PPP2R5D: variants seen among roughly 807,000 people sequenced by gnomAD.
PPP2R5D encodes the protein serine/threonine-protein phosphatase 2A 56 kDa regulatory subunit delta isoform.
PPP2R5D carries 12 observed loss-of-function variants against 79.1 expected under a neutral mutation model. The ratio of observed to expected loss-of-function variants is 0.15; its 90% CI spans 0.10 to 0.25. The LOEUF is 0.25. Ranked by LOEUF, PPP2R5D falls within the 10% of genes least tolerant of loss-of-function variation. The pLI is 1.00. For missense variants in PPP2R5D, 419 were observed against 760.2 expected, an observed-to-expected ratio of 0.55 and a Z score of 5.28; for synonymous variants, 277 against 286.6, an observed-to-expected ratio of 0.97 and a Z score of 0.34.
At chr6:42,998,526 C>T (rs1446176939) in intron 2 of PPP2R5D, among the ~76,000 whole-genome samples, 1 of 152,040 alleles carries the variant, frequency 6.6e-6, no homozygotes, top group Admixed American at 6.6e-5. Context: ...AGGAAGGCTT[C>T]TTGGAGTATG....
chr6:43,006,771 A>T lies in PPP2R5D; in HGVS notation c.322+92A>T. The T allele has an allele frequency of 6.3e-7, 1 of 1,575,138 alleles. No individual in the cohort carries two copies. The highest frequency in any genetic ancestry group is 8.6e-7 in the Non-Finnish European group (1 of 1,157,102). On this transcript the variant is annotated intron_variant, in intron 3 of 15. Coordinates refer to ENST00000485511, the MANE Select transcript of PPP2R5D (RefSeq NM_006245.4). The surrounding 1 kb of genome is among the most constrained non-coding windows in gnomAD (Gnocchi z 4.7). ...GAAGTTTTGGGGTATTTTGCGGGGA[A>T]GGGAGTTCCAGAGAATGCGGGAAGG...
At chr6:42,987,331 C>T (rs758243083) in intron 1 of PPP2R5D, among the ~76,000 whole-genome samples, 2 of 152,176 alleles carry the variant, frequency 1.3e-5, no homozygotes, top group Non-Finnish European at 2.9e-5. Flanking sequence ...TCGCATCTCT[C>T]CTCTTCCTTC....
intron 2 of PPP2R5D, among the ~76,000 whole-genome samples, chr6:43,001,607 G>A (rs1215352794): frequency 2.6e-5 from 4 of 151,880 alleles, no homozygotes; most frequent in Non-Finnish European, 5.9e-5. Flanking sequence ...CTTTAGGGCT[G>A]GGCACGGTGG....
In PPP2R5D at chr6:43,006,753, TG is replaced by T; in HGVS notation, c.322+78del. On this transcript the variant is annotated intron_variant, in intron 3 of 15. Coordinates refer to ENST00000485511, the MANE Select transcript of PPP2R5D (RefSeq NM_006245.4). This position sits in a 1 kb window ranked among gnomAD's most constrained non-coding sequence, Gnocchi z 4.7. ...TCGGGAGTTGGTGGAATGGAAGTTT[TG>T]GGGTATTTTGCGGGGAAGGGAGTTC... 6.3e-7 allele frequency: 1 copy of T among 1,583,572 alleles called. No homozygotes were observed. Among genetic ancestry groups the T allele is most frequent in the Non-Finnish European group, 8.6e-7 (1 of 1,162,674 alleles).
intron 1 of PPP2R5D, among the ~76,000 whole-genome samples, chr6:42,986,694 G>T (rs1561836878): frequency 6.6e-6 from 1 of 152,014 alleles, no homozygotes; most frequent in Non-Finnish European, 1.5e-5. Flanking sequence ...GGAATTCGGG[G>T]AAAGCTGGTG....
At chr6:43,004,575 T>C (rs1761959017) in intron 2 of PPP2R5D, among the ~76,000 whole-genome samples, 2 of 150,192 alleles carry the variant, frequency 1.3e-5, no homozygotes, top group Admixed American at 1.3e-4. Context: ...CCTACTTTTT[T>C]TTTTTTTTTT....
chr6:42,992,536 C>T (rs937793444), intron 2 of PPP2R5D, among the ~76,000 whole-genome samples: 6 of 152,104 alleles, frequency 3.9e-5, no homozygotes, highest in African/African-American at 1.4e-4. Flanking sequence ...CAAATAAGCC[C>T]GGCATGCTGG....
At chr6:43,000,204 G>T (rs918348385) in intron 2 of PPP2R5D, among the ~76,000 whole-genome samples, 13 of 147,834 alleles carry the variant, frequency 8.8e-5, no homozygotes, top group Non-Finnish European at 1.8e-4. Flanking sequence ...AAAGTGCTGG[G>T]ATTACAGGCG....
chr6:42,995,126 C>CTTTCTTTTTTTTTTT (rs1437034798), intron 2 of PPP2R5D, among the ~76,000 whole-genome samples: 8 of 106,364 alleles, frequency 7.5e-5, no homozygotes, highest in African/African-American at 3.3e-4. Flanking sequence ...CTTTTTCTTT[C>CTTTCTTTTTTTTTTT]TTTTTTTTTT....
chr6:43,004,085 T>C (rs2150273957), intron 2 of PPP2R5D, among the ~76,000 whole-genome samples: 1 of 151,774 alleles, frequency 6.6e-6, no homozygotes. Flanking sequence ...TGCAGTGGCA[T>C]GAGCTCAGCT....
At chr6:42,997,505 T>TTTTTA (rs1387378432) in intron 2 of PPP2R5D, among the ~76,000 whole-genome samples, 1 of 150,394 alleles carries the variant, frequency 6.6e-6, no homozygotes, top group African/African-American at 2.5e-5. Flanking sequence ...TTTATTTTTA[T>TTTTTA]TTTTATTTTA....
At chr6:42,998,402 C>T (rs1472090812) in intron 2 of PPP2R5D, among the ~76,000 whole-genome samples, 6 of 151,616 alleles carry the variant, frequency 4.0e-5, no homozygotes, top group Non-Finnish European at 8.8e-5. Flanking sequence ...TGGCCGTGTT[C>T]GGAATAGGCT....
At position 43,010,447 on chromosome 6, in the gene PPP2R5D, C is replaced by T. The variant is rs1160857765; in HGVS notation, c.1380-21C>T. 1 of 1,608,882 alleles carries T rather than the reference C, an allele frequency of 6.2e-7. No individual in the cohort carries two copies. Among genetic ancestry groups the T allele is most frequent in the Admixed American group, 1.7e-5 (1 of 59,994 alleles). ...GGGCAGGCTCTGGCCTCCTACACCT[C>T]ATCTTTCTTCTTGGTGGCAGGACAA... On this transcript the variant is annotated intron_variant, in intron 12 of 15. Transcript: ENST00000485511. This position sits in a 1 kb window ranked among gnomAD's most constrained non-coding sequence, Gnocchi z 4.7.
Position 43,009,218 on chromosome 6 carries a change from C to T in PPP2R5D, c.1242C>T (p.Pro414=). ...FRQLAKCVSS[P]HFQVAERALY... ...AGCTGGCCAAGTGTGTCTCTAGCCC[C>T]CATTTCCAGGTGAGACTCCAACCTA... Residue 414 remains proline, a synonymous_variant, in exon 11 of 16, where the codon CCC becomes CCT. Transcript: ENST00000485511. This position sits in a 1 kb window ranked among gnomAD's most constrained non-coding sequence, Gnocchi z 5.6. 6.2e-7 allele frequency: 1 copy of T among 1,614,138 alleles called. No individual in the cohort carries two copies. The highest frequency in any genetic ancestry group is 8.5e-7 in the Non-Finnish European group (1 of 1,180,026).
Position 42,990,699 on chromosome 6 carries a change from C to CTTTTTTTTTTTT in PPP2R5D, c.105+1027_105+1038dup, listed in dbSNP as rs70990164. Reference sequence around the variant, plus strand: ...TCCTCTGCACTTATGCAGTATTCTACTTTTTTTTTTTTTTTTTTTTTTTTT... The same window carrying CTTTTTTTTTTTT: ...TCCTCTGCACTTATGCAGTATTCTACTTTTTTTTTTTTTTTTTTTTTTTTTTTTTTTTTTTTT... On this transcript the variant is annotated intron_variant, in intron 2 of 15. Transcript: ENST00000485511. 3.5e-4 allele frequency among the ~76,000 whole-genome samples: 18 copies of CTTTTTTTTTTTT among 51,596 alleles called. 1 individual carries two copies. Among genetic ancestry groups the CTTTTTTTTTTTT allele is most frequent in the South Asian group, 1.1e-3 (1 of 916 alleles). 33.8% of individuals were successfully genotyped at this position (51,596 alleles called of 152,430 possible). A position where few individuals can be genotyped will look rare whatever the true frequency, so the allele number is the denominator to read the frequency against.
intron 2 of PPP2R5D, among the ~76,000 whole-genome samples, chr6:42,997,341 C>CA (rs1323764378): frequency 6.6e-6 from 1 of 151,816 alleles, no homozygotes; most frequent in Non-Finnish European, 1.5e-5. Flanking sequence ...TACAGGCATG[C>CA]ACCACCACAT....
chr6:42,987,792 A>C (rs1770964007), intron 1 of PPP2R5D, among the ~76,000 whole-genome samples: 1 of 152,144 alleles, frequency 6.6e-6, no homozygotes, highest in Non-Finnish European at 1.5e-5. Context: ...GATACGTCTG[A>C]GGCATCATGC....
Position 42,990,945 on chromosome 6 carries a change from C to A in PPP2R5D, c.105+1257C>A, listed in dbSNP as rs182008737. On this transcript the variant is annotated intron_variant, in intron 2 of 15. Transcript: ENST00000485511. ...CAGGCTGGACTTGAACTCCTGACCT[C>A]AGGTGATCCACCCGCCTCAGCCTCC... Among the ~76,000 whole-genome samples, 199 of 152,224 alleles carry A rather than the reference C, an allele frequency of 1.3e-3. 1 individual carries two copies. The highest frequency in any genetic ancestry group is 4.5e-3 in the African/African-American group (188 of 41,546).
chr6:42,993,921 G>C (rs987369852), intron 2 of PPP2R5D, among the ~76,000 whole-genome samples: 2 of 152,220 alleles, frequency 1.3e-5, no homozygotes, highest in African/African-American at 4.8e-5. Flanking sequence ...ACTGTGCTAA[G>C]TACTTTGCAT....
Sources: allele counts gnomAD v4.1 joint callset (sites outside exome capture counted in the v4.1 genomes callset), GRCh38; gene constraint gnomAD v4.1.1; non-coding constraint Gnocchi (gnomAD v3.1); transcripts MANE v1.5; gene names NCBI Gene and HGNC (gene_info 2026-07-23, HGNC 2026-07-21).